Variants in MSRA observed in about 807,000 individuals in gnomAD.
The protein encoded by MSRA is mitochondrial peptide methionine sulfoxide reductase.
A neutral mutation model predicts 31.3 loss-of-function variants in MSRA; 54 were observed. That is an observed-to-expected ratio of 1.73 (90% CI 1.39 to 2.17). The LOEUF (loss-of-function observed/expected upper bound fraction) is 2.17. Among genes scored for constraint, MSRA ranks in the 30% most tolerant of loss-of-function variants. The pLI, the probability that MSRA is intolerant of heterozygous loss-of-function variation, is 0.00. For missense variants in MSRA, 507 were observed against 300.9 expected, an observed-to-expected ratio of 1.69 and a Z score of -5.07; for synonymous variants, 169 against 116.5, an observed-to-expected ratio of 1.45 and a Z score of -2.90.
At chr8:10,142,789 A>C (rs1802824230) in intron 1 of MSRA, among the ~76,000 whole-genome samples, 1 of 152,238 alleles carries the variant, frequency 6.6e-6, no homozygotes, top group Non-Finnish European at 1.5e-5. Context: ...TTGCGATAAT[A>C]GCCATAATAG....
chr8:10,226,318 C>G (rs191187951), intron 2 of MSRA, among the ~76,000 whole-genome samples: 1 of 152,082 alleles, frequency 6.6e-6, no homozygotes, highest in Non-Finnish European at 1.5e-5. Context: ...ATGGAGTGAT[C>G]CAGGCTGATC....
At chr8:10,080,183 C>G (rs564551981) in intron 1 of MSRA, among the ~76,000 whole-genome samples, 15 of 152,156 alleles carry the variant, frequency 9.9e-5, no homozygotes, top group African/African-American at 4.8e-5. Flanking sequence ...AATACAGTTA[C>G]GACATTCTCT....
At chr8:10,145,208 G>C (rs993066635) in intron 1 of MSRA, among the ~76,000 whole-genome samples, 1 of 152,182 alleles carries the variant, frequency 6.6e-6, no homozygotes, top group Non-Finnish European at 1.5e-5. Context: ...AGAACCGTCC[G>C]ATCGGAGCAC....
At chr8:10,055,380 TA>T (rs1412619430) in intron 1 of MSRA, among the ~76,000 whole-genome samples, 1 of 152,230 alleles carries the variant, frequency 6.6e-6, no homozygotes, top group African/African-American at 2.4e-5. Context: ...GGTAAACTGC[TA>T]TAAAAGTTTT....
intron 1 of MSRA, among the ~76,000 whole-genome samples, chr8:10,144,980 G>A (rs1803016441): frequency 6.6e-6 from 1 of 151,810 alleles, no homozygotes; most frequent in African/African-American, 2.4e-5. Context: ...GGGCATGTAG[G>A]AGTCTCCTTT....
chr8:10,354,920 A>C (rs145511891), intron 5 of MSRA, among the ~76,000 whole-genome samples: 119 of 152,258 alleles, frequency 7.8e-4, no homozygotes, highest in African/African-American at 2.8e-3. Context: ...TGCTGCCGTG[A>C]TGAGCATACT....
chr8:10,345,819 G>T (rs1469869242), intron 5 of MSRA, among the ~76,000 whole-genome samples: 1 of 152,174 alleles, frequency 6.6e-6, no homozygotes, highest in Admixed American at 6.5e-5. Flanking sequence ...AGACTAAAAG[G>T]TCAAATCTAC....
intron 3 of MSRA, among the ~76,000 whole-genome samples, chr8:10,298,172 A>G (rs1800645991): frequency 6.6e-6 from 1 of 152,236 alleles, no homozygotes; most frequent in Non-Finnish European, 1.5e-5. Context: ...CAATGTTTGT[A>G]TGTCTGTGTT....
chr8:10,142,073 C>G (rs1490017580), intron 1 of MSRA, among the ~76,000 whole-genome samples: 1 of 152,214 alleles, frequency 6.6e-6, no homozygotes, highest in Non-Finnish European at 1.5e-5. Flanking sequence ...ATTCTCCTGT[C>G]TCAGACTGCC....
chr8:10,239,736 G>A lies in MSRA; in HGVS notation c.212-5368G>A, dbSNP rs966063140. On this transcript the variant is annotated intron_variant, in intron 2 of 5. Coordinates refer to ENST00000317173, the MANE Select transcript of MSRA (RefSeq NM_012331.5). ...TCTAACTCTACAGAGCCAAGAGTGT[G>A]GGAACAAAAGCTACAAAGTCTCCCA... Among the ~76,000 whole-genome samples the A allele has an allele frequency of 5.9e-5, 9 of 152,214 alleles. 1 individual carries two copies. The highest frequency in any genetic ancestry group is 2.2e-4 in the African/African-American group (9 of 41,458).
intron 3 of MSRA, among the ~76,000 whole-genome samples, chr8:10,296,291 C>T (rs557631613): frequency 2.0e-5 from 3 of 152,268 alleles, no homozygotes; most frequent in African/African-American, 7.2e-5. Context: ...CTTGTGTTTT[C>T]TCCTAGAGTT....
rs149483710 is a variant in MSRA, at chr8:10,167,376, T to G, written c.143-40457T>G. 1.9e-3 allele frequency among the ~76,000 whole-genome samples: 285 copies of G among 152,316 alleles called. 3 individuals are homozygous for G. Among genetic ancestry groups the G allele is most frequent in the African/African-American group, 6.5e-3 (272 of 41,572 alleles). ...TGAAGTATTCAATGCACAGTGTTAT[T>G]AACATGTAAAAGACTTAGGGCAAAT... On this transcript the variant is annotated intron_variant, in intron 1 of 5. Transcript: ENST00000317173.
intron 4 of MSRA, among the ~76,000 whole-genome samples, chr8:10,315,050 A>G (rs1585442005): frequency 6.6e-6 from 1 of 152,178 alleles, no homozygotes; most frequent in East Asian, 1.9e-4. Flanking sequence ...ATCTTATTAC[A>G]TGGCAGCAGG....
chr8:10,409,483 G>T (rs1011138498), intron 5 of MSRA, among the ~76,000 whole-genome samples: 1 of 152,154 alleles, frequency 6.6e-6, no homozygotes, highest in Non-Finnish European at 1.5e-5. Flanking sequence ...GAGAACCATG[G>T]CTCCAGAGTC....
At chr8:10,115,428 G>A (rs573044186) in intron 1 of MSRA, among the ~76,000 whole-genome samples, 86 of 152,192 alleles carry the variant, frequency 5.7e-4, no homozygotes, top group Non-Finnish European at 1.0e-3. Flanking sequence ...GGCAAGGAAA[G>A]ATCCTTTCCT....
At chr8:10,353,636 G>A (rs974408363) in intron 5 of MSRA, 11 of 456,224 alleles carry the variant, frequency 2.4e-5, no homozygotes, top group South Asian at 3.1e-5. Flanking sequence ...ATGTTCACTG[G>A]AAGAAGAGAA....
chr8:10,081,609 T>G (rs79124888), intron 1 of MSRA, among the ~76,000 whole-genome samples: 3 of 152,070 alleles, frequency 2.0e-5, no homozygotes, highest in African/African-American at 7.2e-5. Flanking sequence ...CCTGTCTTGG[T>G]CTCCCGAGTA....
At chr8:10,124,748 T>A (rs1170183018) in intron 1 of MSRA, among the ~76,000 whole-genome samples, 1 of 151,006 alleles carries the variant, frequency 6.6e-6, no homozygotes, top group East Asian at 1.9e-4. Context: ...GCAGAGATGA[T>A]TTTTTTTTGG....
chr8:10,230,475 C>T (rs1018044414), intron 2 of MSRA, among the ~76,000 whole-genome samples: 3 of 151,980 alleles, frequency 2.0e-5, no homozygotes, highest in Admixed American at 6.6e-5. Flanking sequence ...CAACAACTGC[C>T]CTCATTTTGT....
Sources: allele counts gnomAD v4.1 joint callset (sites outside exome capture counted in the v4.1 genomes callset), GRCh38; gene constraint gnomAD v4.1.1; transcripts MANE v1.5; gene names NCBI Gene and HGNC (gene_info 2026-07-23, HGNC 2026-07-21).